PDZRN4: variants seen among roughly 807,000 people sequenced by gnomAD.
PDZRN4 encodes PDZ domain-containing RING finger protein 4.
PDZRN4 carries 70 observed loss-of-function variants against 99.0 expected under a neutral mutation model. The ratio of observed to expected loss-of-function variants is 0.71; its 90% confidence interval spans 0.58 to 0.86. PDZRN4 has a LOEUF of 0.86. PDZRN4 is among the 40% of genes least tolerant of loss of function. The pLI, the probability that PDZRN4 is intolerant of heterozygous loss-of-function variation, is 0.00. For missense variants in PDZRN4, 1,474 were observed against 1,331.2 expected (o/e 1.11, Z -1.67); for synonymous variants, 551 against 501.6 (o/e 1.10, Z -1.32).
At chr12:41,516,613 G>A (rs369087020) in intron 5 of PDZRN4, among the ~76,000 whole-genome samples, 24 of 152,146 alleles carry the variant, frequency 1.6e-4, no homozygotes, top group African/African-American at 4.8e-4. Context: ...AGGAACATAT[G>A]CGTGTTTTAC....
At chr12:41,261,262 G>T (rs907493583) in intron 3 of PDZRN4, among the ~76,000 whole-genome samples, 2 of 152,066 alleles carry the variant, frequency 1.3e-5, no homozygotes, top group African/African-American at 2.4e-5. Context: ...TATTTGTGAA[G>T]AATGTAAACT....
chr12:41,479,113 A>G (rs1428315767), intron 3 of PDZRN4, among the ~76,000 whole-genome samples: 1 of 152,232 alleles, frequency 6.6e-6, no homozygotes, highest in Non-Finnish European at 1.5e-5. Flanking sequence ...GGAAGAGTCC[A>G]GGATTAGGAA....
At chr12:41,253,871 A>G (rs185114527) in intron 3 of PDZRN4, among the ~76,000 whole-genome samples, 14 of 152,280 alleles carry the variant, frequency 9.2e-5, no homozygotes, top group African/African-American at 3.4e-4. Flanking sequence ...GCTAAGTGAA[A>G]TAAGCCAAGC....
intron 5 of PDZRN4, among the ~76,000 whole-genome samples, chr12:41,540,544 CA>C (rs1465571162): frequency 6.6e-6 from 1 of 152,118 alleles, no homozygotes; most frequent in African/African-American, 2.4e-5. Context: ...ATGAAGAAAA[CA>C]GTAGGTTTGC....
chr12:41,419,549 A>T (rs1425664241), intron 3 of PDZRN4, among the ~76,000 whole-genome samples: 1 of 152,142 alleles, frequency 6.6e-6, no homozygotes, highest in Non-Finnish European at 1.5e-5. Flanking sequence ...TTACCTAATG[A>T]TCTTCTGGAA....
chr12:41,514,220 T>C (rs1219112091), intron 5 of PDZRN4, among the ~76,000 whole-genome samples: 1 of 152,030 alleles, frequency 6.6e-6, no homozygotes, highest in Admixed American at 6.6e-5. Flanking sequence ...AGTGAGCACT[T>C]AGCATATTAA....
At chr12:41,499,369 C>T (rs1431272985) in intron 3 of PDZRN4, among the ~76,000 whole-genome samples, 2 of 152,048 alleles carry the variant, frequency 1.3e-5, no homozygotes, top group Non-Finnish European at 2.9e-5. Context: ...GGGAAATAAA[C>T]TTATTTATAA....
intron 3 of PDZRN4, among the ~76,000 whole-genome samples, chr12:41,442,464 A>T (rs1007442879): frequency 2.0e-5 from 3 of 152,074 alleles, no homozygotes; most frequent in African/African-American, 7.2e-5. Flanking sequence ...AAGCATCTGG[A>T]GGGCAGGCCA....
intron 3 of PDZRN4, among the ~76,000 whole-genome samples, chr12:41,235,713 C>T (rs1370606115): frequency 6.6e-6 from 1 of 152,142 alleles, no homozygotes; most frequent in Non-Finnish European, 1.5e-5. Flanking sequence ...AAGAACCAAA[C>T]CACATACACG....
At chr12:41,405,188 A>G (rs1311813071) in intron 3 of PDZRN4, among the ~76,000 whole-genome samples, 1 of 152,084 alleles carries the variant, frequency 6.6e-6, no homozygotes, top group African/African-American at 2.4e-5. Context: ...GGAAGAAAAT[A>G]TTCACAAACT....
chr12:41,223,307 G>A (rs1436542663), intron 3 of PDZRN4, among the ~76,000 whole-genome samples: 1 of 152,064 alleles, frequency 6.6e-6, no homozygotes, highest in Non-Finnish European at 1.5e-5. Context: ...GAAAAGATTA[G>A]TCTTGTCAGG....
chr12:41,489,732 A>C (rs1378797091), intron 3 of PDZRN4, among the ~76,000 whole-genome samples: 1 of 151,162 alleles, frequency 6.6e-6, no homozygotes, highest in Non-Finnish European at 1.5e-5. Context: ...ATTTGATAAG[A>C]CTAGGACATC....
intron 5 of PDZRN4, among the ~76,000 whole-genome samples, chr12:41,540,658 A>G (rs1327914245): frequency 6.6e-6 from 1 of 152,216 alleles, no homozygotes; most frequent in Non-Finnish European, 1.5e-5. Context: ...TAACATCTCT[A>G]TGCAAGTTCA....
intron 3 of PDZRN4, among the ~76,000 whole-genome samples, chr12:41,280,346 G>A (rs1048312218): frequency 1.3e-5 from 2 of 152,100 alleles, no homozygotes; most frequent in Admixed American, 6.5e-5. Flanking sequence ...AGTGGTGCCT[G>A]GAATGCCAGC....
chr12:41,321,267 C>A (rs1189814576), intron 3 of PDZRN4, among the ~76,000 whole-genome samples: 1 of 152,128 alleles, frequency 6.6e-6, no homozygotes, highest in Non-Finnish European at 1.5e-5. Context: ...AAGTGGTATG[C>A]CTGGACCACA....
Position 41,471,636 on chromosome 12 carries a change from A to G in PDZRN4, c.844-34820A>G, listed in dbSNP as rs572130358. Among the ~76,000 whole-genome samples, 10 of 150,916 alleles carry G rather than the reference A, an allele frequency of 6.6e-5. No homozygotes were observed. In the South Asian group the frequency reaches 2.1e-3, roughly 31 times the overall value. ...ATGATGATTGTGATGATTTTTATAC[A>G]GAAACTCAGAGATAGTTGTATGAAT... On this transcript the variant is annotated intron_variant, in intron 3 of 9. Transcript: ENST00000402685.
At chr12:41,490,164 A>G (rs1937855792) in intron 3 of PDZRN4, among the ~76,000 whole-genome samples, 3 of 152,198 alleles carry the variant, frequency 2.0e-5, no homozygotes, top group Admixed American at 1.3e-4. Context: ...TAATTAACAT[A>G]TAAATTGCCA....
intron 5 of PDZRN4, among the ~76,000 whole-genome samples, chr12:41,548,286 A>G (rs1339731090): frequency 6.6e-6 from 1 of 152,224 alleles, no homozygotes; most frequent in East Asian, 1.9e-4. Context: ...TAGACTATCT[A>G]GCTTTCTCTT....
chr12:41,557,214 G>A (rs909275123), intron 7 of PDZRN4, among the ~76,000 whole-genome samples: 5 of 149,492 alleles, frequency 3.3e-5, no homozygotes, highest in African/African-American at 1.2e-4. Flanking sequence ...CAGCTCTTGT[G>A]AACAGATCAA....
Sources: gnomAD v4.1 joint callset for allele counts (sites outside exome capture counted in the v4.1 genomes callset) on GRCh38, gnomAD v4.1.1 for gene constraint, MANE v1.5 for transcripts, NCBI Gene and HGNC (gene_info 2026-07-23, HGNC 2026-07-21) for gene names.